Variants in CACNA1C observed in about 807,000 individuals in gnomAD.
CACNA1C encodes voltage-dependent L-type calcium channel subunit alpha-1C.
Under a neutral mutation model 229.0 loss-of-function variants are expected in CACNA1C, and 30 were observed. The ratio of observed to expected loss-of-function variants is 0.13; its 90% CI spans 0.10 to 0.18. The LOEUF (loss-of-function observed/expected upper bound fraction) is 0.18, where lower values mean the gene tolerates loss of function less well. Among genes scored for constraint, CACNA1C ranks in the 10% least tolerant of loss-of-function variants. The probability of loss-of-function intolerance (pLI) is 1.00; values close to 1 mark genes in which losing one functional copy is unlikely to be tolerated. For synonymous variants in CACNA1C, 1,114 were observed against 1,132.5 expected, an observed-to-expected ratio of 0.98 and a Z score of 0.33; for missense variants, 1,658 against 2,845.0, an observed-to-expected ratio of 0.58 and a Z score of 9.49.
intron 1 of CACNA1C, among the ~76,000 whole-genome samples, chr12:2,096,685 G>A (rs145258978): frequency 1.3e-5 from 2 of 152,298 alleles, no homozygotes; most frequent in East Asian, 3.9e-4. Flanking sequence ...AGCACTATCT[G>A]TCTCTAGAAC....
intron 3 of CACNA1C, among the ~76,000 whole-genome samples, chr12:2,342,965 T>C (rs1210764615): frequency 6.6e-6 from 1 of 152,232 alleles, no homozygotes; most frequent in Non-Finnish European, 1.5e-5. Context: ...TTAAGCCTTA[T>C]ATCAGCTCTG....
At chr12:2,590,101 A>G (rs2064543715) in intron 18 of CACNA1C, among the ~76,000 whole-genome samples, 1 of 152,150 alleles carries the variant, frequency 6.6e-6, no homozygotes, top group Non-Finnish European at 1.5e-5. Context: ...GAGGACAAGA[A>G]CCATGGCTTT....
chr12:2,421,726 T>C (rs2283307), intron 3 of CACNA1C, among the ~76,000 whole-genome samples: 58,405 of 151,854 alleles, frequency 0.38, 11,465 homozygotes, highest in Middle Eastern at 0.45. Flanking sequence ...TCCTGTCCAA[T>C]ATGGTGAAAC....
At chr12:2,672,787 T>A (rs2096622571) in intron 38 of CACNA1C, among the ~76,000 whole-genome samples, 1 of 152,176 alleles carries the variant, frequency 6.6e-6, no homozygotes, top group Non-Finnish European at 1.5e-5. Flanking sequence ...CAGACATGAA[T>A]TTTGGGAGGA....
rs1356777470 is a variant in CACNA1C, at chr12:2,632,815, C to T, written c.3829-1482C>T. ...CTACCTCCAAATGACCATGAAAGAACCTGGGGAGGGGCTTAGAAAGCCTCA... is the reference window on the plus strand; with the variant it reads ...CTACCTCCAAATGACCATGAAAGAATCTGGGGAGGGGCTTAGAAAGCCTCA... On this transcript the variant is annotated intron_variant, in intron 29 of 46. Transcript: ENST00000399655. This position sits in a 1 kb window ranked among gnomAD's most constrained non-coding sequence, Gnocchi z 4.1. 6.6e-6 allele frequency among the ~76,000 whole-genome samples: 1 copy of T among 152,156 alleles called. No individual in the cohort carries two copies. Among genetic ancestry groups the T allele is most frequent in the Non-Finnish European group, 1.5e-5 (1 of 68,026 alleles).
chr12:2,278,420 C>T (rs2154431992), intron 3 of CACNA1C, among the ~76,000 whole-genome samples: 1 of 152,274 alleles, frequency 6.6e-6, no homozygotes, highest in Middle Eastern at 3.4e-3. Context: ...CTCAGCCCTC[C>T]TCCCCACCCC....
At chr12:2,083,470 G>T (rs956441791) in intron 1 of CACNA1C, among the ~76,000 whole-genome samples, 3 of 152,148 alleles carry the variant, frequency 2.0e-5, no homozygotes, top group Admixed American at 6.6e-5. Flanking sequence ...AGTTGAGGTG[G>T]GTGGAAACAG....
chr12:2,094,210 T>C (rs934924771), intron 1 of CACNA1C, among the ~76,000 whole-genome samples: 1 of 152,172 alleles, frequency 6.6e-6, no homozygotes, highest in African/African-American at 2.4e-5. Context: ...CTCCACAATC[T>C]GAAGTGCATC....
At chr12:2,298,731 G>C (rs2094306783) in intron 3 of CACNA1C, among the ~76,000 whole-genome samples, 1 of 152,248 alleles carries the variant, frequency 6.6e-6, no homozygotes, top group Non-Finnish European at 1.5e-5. Context: ...TATGGCCGCA[G>C]AATTGGCTTC....
chr12:2,670,935 T>C (rs913259523), intron 38 of CACNA1C, among the ~76,000 whole-genome samples: 1 of 149,410 alleles, frequency 6.7e-6, no homozygotes, highest in African/African-American at 2.5e-5. Flanking sequence ...GCTTAAAAAA[T>C]ATACCATCAG....
chr12:2,455,372 A>G lies in CACNA1C; in HGVS notation c.618-2195A>G, dbSNP rs780351254. ...ATTATAAGTATAAAACATACAGCAT[A>G]TTTCAAAGATTTAGTACAAAACAAG... On this transcript the variant is annotated intron_variant, in intron 4 of 46. Transcript: ENST00000399655. Among the ~76,000 whole-genome samples, 60 of 152,250 alleles carry G rather than the reference A, an allele frequency of 3.9e-4. 1 individual carries two copies. Among genetic ancestry groups the G allele is most frequent in the Non-Finnish European group, 2.1e-4 (14 of 68,042 alleles).
At chr12:2,230,212 G>T (rs1014243957) in intron 3 of CACNA1C, among the ~76,000 whole-genome samples, 1 of 152,158 alleles carries the variant, frequency 6.6e-6, no homozygotes, top group Non-Finnish European at 1.5e-5. Context: ...TCCGCAGCCC[G>T]GGGGGCGGGC....
intron 3 of CACNA1C, among the ~76,000 whole-genome samples, chr12:2,420,788 T>C (rs1410190581): frequency 9.9e-5 from 15 of 152,216 alleles, no homozygotes; most frequent in Admixed American, 9.8e-4. Flanking sequence ...GCGCCTTGCA[T>C]TGCTCTCACC....
intron 3 of CACNA1C, among the ~76,000 whole-genome samples, chr12:2,130,193 CTTTTT>C (rs35630466): frequency 2.6e-5 from 3 of 114,128 alleles, no homozygotes; most frequent in Non-Finnish European, 5.3e-5. Flanking sequence ...TGAGACCTTT[CTTTTT>C]TTTTTTTTTT....
At chr12:2,526,644 A>G (rs2099818944) in intron 9 of CACNA1C, among the ~76,000 whole-genome samples, 1 of 152,218 alleles carries the variant, frequency 6.6e-6, no homozygotes, top group Admixed American at 6.5e-5. Flanking sequence ...ATCCCTCCTC[A>G]AAGGAAATGA....
intron 3 of CACNA1C, among the ~76,000 whole-genome samples, chr12:2,234,877 A>G (rs2066717580): frequency 6.6e-6 from 1 of 152,166 alleles, no homozygotes; most frequent in Admixed American, 6.5e-5. Flanking sequence ...TTCAGACAAA[A>G]CAATAGAAGT....
chr12:2,219,961 A>G (rs1035928119), intron 3 of CACNA1C, among the ~76,000 whole-genome samples: 1 of 152,170 alleles, frequency 6.6e-6, no homozygotes, highest in Non-Finnish European at 1.5e-5. Flanking sequence ...GCTCTCTGAC[A>G]TTGAATTTGT....
chr12:2,185,275 T>G (rs2096962429), intron 3 of CACNA1C, among the ~76,000 whole-genome samples: 1 of 152,146 alleles, frequency 6.6e-6, no homozygotes, highest in Non-Finnish European at 1.5e-5. Flanking sequence ...GGACAGTCCT[T>G]CCTCCAGCCT....
chr12:2,363,287 C>T (rs916970505), intron 3 of CACNA1C, among the ~76,000 whole-genome samples: 3 of 152,206 alleles, frequency 2.0e-5, no homozygotes, highest in African/African-American at 7.2e-5. Flanking sequence ...CACCTTGTCT[C>T]ATCTCATAAT....
Sources: gnomAD v4.1 joint callset for allele counts (sites outside exome capture counted in the v4.1 genomes callset) on GRCh38, gnomAD v4.1.1 for gene constraint, Gnocchi (gnomAD v3.1) non-coding constraint, MANE v1.5 for transcripts, NCBI Gene and HGNC (gene_info 2026-07-23, HGNC 2026-07-21) for gene names.